PDE4D: variants seen among roughly 807,000 people sequenced by gnomAD.
PDE4D encodes 3',5'-cyclic-AMP phosphodiesterase 4D.
Under a neutral mutation model 87.4 loss-of-function variants are expected in PDE4D, and 24 were observed. That is an observed-to-expected ratio of 0.27 (90% confidence interval 0.20 to 0.39). The LOEUF is 0.39. Among genes scored for constraint, PDE4D ranks in the 10% least tolerant of loss-of-function variants. PDE4D has a pLI of 1.00. For missense variants in PDE4D, 714 were observed against 1,041.0 expected, an observed-to-expected ratio of 0.69 and a Z score of 4.32; for synonymous variants, 384 against 383.2, an observed-to-expected ratio of 1.00 and a Z score of -0.02.
chr5:60,501,107 A>G (rs1033076994), intron 1 of PDE4D, among the ~76,000 whole-genome samples: 2 of 151,968 alleles, frequency 1.3e-5, no homozygotes, highest in Non-Finnish European at 1.5e-5. Flanking sequence ...CCATTAACTC[A>G]TCATTTAGCA....
At chr5:59,200,072 T>C (rs961849269) in intron 2 of PDE4D, among the ~76,000 whole-genome samples, 27 of 149,820 alleles carry the variant, frequency 1.8e-4, no homozygotes, top group Middle Eastern at 3.4e-3. Context: ...TACACACACG[T>C]ATGCACACAT....
At chr5:59,320,958 T>A (rs1774620668) in intron 1 of PDE4D, among the ~76,000 whole-genome samples, 1 of 152,168 alleles carries the variant, frequency 6.6e-6, no homozygotes, top group South Asian at 2.1e-4. Flanking sequence ...TAAATTTGTT[T>A]ATAGAAAATA....
At chr5:59,453,433 G>T (rs1392692018) in intron 1 of PDE4D, among the ~76,000 whole-genome samples, 1 of 152,238 alleles carries the variant, frequency 6.6e-6, no homozygotes, top group Non-Finnish European at 1.5e-5. Flanking sequence ...CAGACAGAAA[G>T]CTAGGCCTCT....
At chr5:60,285,230 T>C (rs1477666370) in intron 1 of PDE4D, among the ~76,000 whole-genome samples, 1 of 152,064 alleles carries the variant, frequency 6.6e-6, no homozygotes, top group African/African-American at 2.4e-5. Flanking sequence ...CAACAGTCAT[T>C]AACAGATTTT....
chr5:59,415,339 A>C (rs1384785725), intron 1 of PDE4D, among the ~76,000 whole-genome samples: 1 of 152,224 alleles, frequency 6.6e-6, no homozygotes, highest in Non-Finnish European at 1.5e-5. Flanking sequence ...AAGCATAAAA[A>C]GAGAAAAAAC....
chr5:59,090,790 GTTTTT>G (rs1226560617), intron 5 of PDE4D, among the ~76,000 whole-genome samples: 1 of 124,432 alleles, frequency 8.0e-6, no homozygotes, highest in Non-Finnish European at 1.7e-5. Context: ...CAGTAGCCAT[GTTTTT>G]TTTTTCTTTT....
chr5:59,474,098 C>T (rs1397031643), intron 1 of PDE4D, among the ~76,000 whole-genome samples: 5 of 152,092 alleles, frequency 3.3e-5, no homozygotes, highest in Middle Eastern at 3.4e-3. Flanking sequence ...ACTAAAATCA[C>T]GGTGTGTGTG....
At chr5:59,040,348 A>C (rs1018871141) in intron 5 of PDE4D, among the ~76,000 whole-genome samples, 6 of 152,234 alleles carry the variant, frequency 3.9e-5, no homozygotes, top group Non-Finnish European at 8.8e-5. Context: ...GAATTGCCTA[A>C]GAGTTCTCTT....
chr5:60,383,838 T>C (rs60962155), intron 1 of PDE4D, among the ~76,000 whole-genome samples: 12,313 of 152,218 alleles, frequency 0.081, 856 homozygotes, highest in African/African-American at 0.18. Flanking sequence ...AATTAGCTCA[T>C]TTGGTACTAA....
intron 1 of PDE4D, among the ~76,000 whole-genome samples, chr5:59,641,800 C>T (rs150211956): frequency 2.0e-5 from 3 of 152,072 alleles, no homozygotes; most frequent in African/African-American, 7.2e-5. Context: ...CAATATGATG[C>T]TCAGAATTTA....
At chr5:59,975,702 C>T (rs893806351) in intron 3 of PDE4D, among the ~76,000 whole-genome samples, 6 of 152,174 alleles carry the variant, frequency 3.9e-5, no homozygotes, top group African/African-American at 2.4e-5. Context: ...ATATTGGTTA[C>T]ATGAAAAGTT....
chr5:60,403,743 C>A (rs1741287198), intron 1 of PDE4D, among the ~76,000 whole-genome samples: 1 of 152,244 alleles, frequency 6.6e-6, no homozygotes, highest in Admixed American at 6.5e-5. Flanking sequence ...TCCACAACCT[C>A]TGCTTTCCCT....
chr5:59,763,828 T>G (rs928093861), intron 1 of PDE4D, among the ~76,000 whole-genome samples: 1 of 152,116 alleles, frequency 6.6e-6, no homozygotes, highest in Admixed American at 6.6e-5. Context: ...ACAAGAGAAT[T>G]CTAATCCTAA....
At chr5:59,876,121 GACA>G (rs946934654) in intron 1 of PDE4D, among the ~76,000 whole-genome samples, 13 of 152,094 alleles carry the variant, frequency 8.5e-5, no homozygotes, top group African/African-American at 3.1e-4. Flanking sequence ...AGCTTAAAAG[GACA>G]ACAACAACAT....
chr5:60,308,533 T>C (rs1275444453), intron 1 of PDE4D, among the ~76,000 whole-genome samples: 1 of 152,206 alleles, frequency 6.6e-6, no homozygotes, highest in Non-Finnish European at 1.5e-5. Context: ...AAACTAATGC[T>C]ACTATAAGAT....
chr5:59,967,800 T>G lies in PDE4D; in HGVS notation c.272+20688A>C, dbSNP rs572610179. Among the ~76,000 whole-genome samples the G allele has an allele frequency of 6.6e-5, 10 of 152,276 alleles. No homozygotes were observed. The East Asian group carries it at 1.9e-3, about 29-fold the overall frequency. On this transcript the variant is annotated intron_variant, in intron 3 of 16. Transcript: ENST00000502484. ...TACTAAAAAGACACATGCACTCATA[T>G]GCTCATCACTGCACTATTCACAATA...
intron 6 of PDE4D, chr5:58,999,682 C>G: frequency 9.1e-7 from 1 of 1,102,390 alleles, no homozygotes; most frequent in Non-Finnish European, 1.1e-6. Context: ...ATTAAGTATA[C>G]ATAAGAAAGC....
chr5:60,379,400 G>A (rs1370972943), intron 1 of PDE4D, among the ~76,000 whole-genome samples: 1 of 152,220 alleles, frequency 6.6e-6, no homozygotes, highest in South Asian at 2.1e-4. Flanking sequence ...GGTAAAAGAG[G>A]TGCTGTCCCA....
intron 1 of PDE4D, among the ~76,000 whole-genome samples, chr5:59,439,227 C>T (rs1256881167): frequency 6.6e-6 from 1 of 152,054 alleles, no homozygotes; most frequent in East Asian, 1.9e-4. Flanking sequence ...TGCATGGTGG[C>T]ACACACCTGT....
Sources: allele counts gnomAD v4.1 joint callset (sites outside exome capture counted in the v4.1 genomes callset), GRCh38; gene constraint gnomAD v4.1.1; transcripts MANE v1.5; gene names NCBI Gene and HGNC (gene_info 2026-07-23, HGNC 2026-07-21).